The following THSD7B variants were observed in gnomAD, a reference collection of about 807,000 sequenced individuals.
The protein encoded by THSD7B is thrombospondin type-1 domain-containing protein 7B.
In THSD7B, 138 loss-of-function variants were observed where a neutral mutation model predicts 213.6. The observed-to-expected ratio is 0.65, with a 90% CI of 0.56 to 0.74. THSD7B has a LOEUF of 0.74. Ranked by LOEUF, THSD7B falls within the 30% of genes least tolerant of loss-of-function variation. THSD7B has a pLI of 0.00. For missense variants in THSD7B, 1,931 were observed against 1,991.5 expected (o/e 0.97, Z 0.58); for synonymous variants, 742 against 687.0 (o/e 1.08, Z -1.25).
chr2:136,779,198 A>ATATGTGTGTG (rs1491418061), intron 1 of THSD7B, among the ~76,000 whole-genome samples: 3 of 55,088 alleles, frequency 5.4e-5, no homozygotes, highest in Non-Finnish European at 1.2e-4. Context: ...ATATATATAT[A>ATATGTGTGTG]TGTGTGTGTG....
chr2:137,255,757 G>T (rs1278024528), intron 10 of THSD7B, among the ~76,000 whole-genome samples: 1 of 152,080 alleles, frequency 6.6e-6, no homozygotes, highest in Non-Finnish European at 1.5e-5. Flanking sequence ...GTCACCTGAT[G>T]GGGTGCAATG....
chr2:137,461,506 C>G (rs1384570159), intron 15 of THSD7B, among the ~76,000 whole-genome samples: 1 of 152,062 alleles, frequency 6.6e-6, no homozygotes, highest in Non-Finnish European at 1.5e-5. Context: ...TACACGAGCA[C>G]TACCTTCCCA....
At chr2:137,388,241 C>T (rs1685939795) in intron 12 of THSD7B, among the ~76,000 whole-genome samples, 1 of 151,888 alleles carries the variant, frequency 6.6e-6, no homozygotes, top group South Asian at 2.1e-4. Context: ...TTGTGCAAAG[C>T]AATTTATCTG....
intron 17 of THSD7B, among the ~76,000 whole-genome samples, chr2:137,608,404 C>T (rs993950712): frequency 2.6e-5 from 4 of 151,846 alleles, no homozygotes; most frequent in African/African-American, 9.7e-5. Context: ...TCAACATACT[C>T]CACAAGCACC....
At chr2:137,532,617 T>A (rs951444884) in intron 15 of THSD7B, among the ~76,000 whole-genome samples, 4 of 151,820 alleles carry the variant, frequency 2.6e-5, no homozygotes, top group African/African-American at 9.7e-5. Context: ...GGAATAGAGA[T>A]AAAACATGTT....
intron 12 of THSD7B, among the ~76,000 whole-genome samples, chr2:137,335,190 A>G (rs1377661791): frequency 6.6e-6 from 1 of 152,220 alleles, no homozygotes; most frequent in Non-Finnish European, 1.5e-5. Context: ...CAAGTTAATG[A>G]TTGCATATGA....
intron 2 of THSD7B, among the ~76,000 whole-genome samples, chr2:137,016,253 C>T (rs1389086408): frequency 6.6e-6 from 1 of 152,122 alleles, no homozygotes; most frequent in African/African-American, 2.4e-5. Context: ...TCTGCAATCT[C>T]ACCTCCTTTG....
intron 2 of THSD7B, among the ~76,000 whole-genome samples, chr2:137,031,043 C>G (rs1231267293): frequency 6.6e-6 from 1 of 152,094 alleles, no homozygotes; most frequent in Admixed American, 6.6e-5. Context: ...ACATGAAAAA[C>G]TAGAGTGCAA....
intron 7 of THSD7B, among the ~76,000 whole-genome samples, chr2:137,204,228 G>A (rs892883): frequency 0.6 from 90,378 of 151,872 alleles, 27,273 homozygotes; most frequent in South Asian, 0.71. Context: ...AGGAAAATAA[G>A]GATTGCTTTA....
At chr2:137,165,700 G>A (rs1221594493) in intron 6 of THSD7B, among the ~76,000 whole-genome samples, 1 of 151,994 alleles carries the variant, frequency 6.6e-6, no homozygotes, top group East Asian at 1.9e-4. Flanking sequence ...AAAATGCAGT[G>A]ATTCCACTAG....
At position 137,101,572 on chromosome 2, in the gene THSD7B, C is replaced by T. The variant is rs190866310; in HGVS notation, c.1199+6451C>T. On this transcript the variant is annotated intron_variant, in intron 4 of 27. Coordinates refer to ENST00000409968, the MANE Select transcript of THSD7B (RefSeq NM_001316349.2). ...ACTCTCCTGGAAAGGGGGCTGAAGG[C>T]GGGGAGCCAAGTGGTCTAGCTCAGC... 2.0e-4 allele frequency among the ~76,000 whole-genome samples: 31 copies of T among 152,250 alleles called. 1 individual carries two copies. In the East Asian group the frequency reaches 5.0e-3, roughly 25 times the overall value.
chr2:137,475,285 G>A (rs914927462), intron 15 of THSD7B, among the ~76,000 whole-genome samples: 1 of 152,146 alleles, frequency 6.6e-6, no homozygotes. Flanking sequence ...AATCAAGGCG[G>A]TATTTAGGGT....
chr2:137,605,508 G>A (rs1682155949), intron 17 of THSD7B, among the ~76,000 whole-genome samples: 1 of 151,968 alleles, frequency 6.6e-6, no homozygotes, highest in Non-Finnish European at 1.5e-5. Flanking sequence ...GACATCAGTG[G>A]TATGATGAAG....
At chr2:137,273,057 C>T (rs1394251256) in intron 11 of THSD7B, among the ~76,000 whole-genome samples, 3 of 151,312 alleles carry the variant, frequency 2.0e-5, no homozygotes, top group Non-Finnish European at 4.4e-5. Flanking sequence ...CACACACACA[C>T]ACACACACAC....
rs114236252 is a variant in THSD7B, at chr2:137,674,651, T to C, written c.4740-1873T>C. 1.9e-3 allele frequency among the ~76,000 whole-genome samples: 290 copies of C among 152,228 alleles called. 1 individual carries two copies. The highest frequency in any genetic ancestry group is 6.8e-3 in the African/African-American group (281 of 41,530). Reference sequence around the variant, plus strand: ...TAATTAAGCAATACCCTTTTGAAAATTGGAGAGGACCTGGAAAGCAGGAAA... The same window carrying C: ...TAATTAAGCAATACCCTTTTGAAAACTGGAGAGGACCTGGAAAGCAGGAAA... On this transcript the variant is annotated intron_variant, in intron 27 of 27. Coordinates refer to ENST00000409968, the MANE Select transcript of THSD7B (RefSeq NM_001316349.2).
At chr2:137,668,432 C>A (rs574057965) in intron 27 of THSD7B, among the ~76,000 whole-genome samples, 1 of 143,716 alleles carries the variant, frequency 7.0e-6, no homozygotes, top group Admixed American at 7.1e-5. Context: ...CAAAATTTAA[C>A]TGATGGTCAT....
chr2:137,440,462 C>CT (rs10635670), intron 14 of THSD7B, among the ~76,000 whole-genome samples: 79 of 144,592 alleles, frequency 5.5e-4, no homozygotes, highest in Middle Eastern at 3.6e-3. Context: ...CTCACCTTAC[C>CT]TTTTTTTTTT....
chr2:136,918,489 C>T (rs916841247), intron 2 of THSD7B, among the ~76,000 whole-genome samples: 18 of 152,180 alleles, frequency 1.2e-4, no homozygotes, highest in African/African-American at 4.3e-4. Context: ...GCTCCCTGAG[C>T]CTGTCCTTCT....
At chr2:137,161,923 G>T (rs774493540) in intron 6 of THSD7B, among the ~76,000 whole-genome samples, 1 of 152,172 alleles carries the variant, frequency 6.6e-6, no homozygotes, top group African/African-American at 2.4e-5. Flanking sequence ...ATCATGTGAG[G>T]TTGGACCAAG....
Sources: gnomAD v4.1 joint callset for allele counts (sites outside exome capture counted in the v4.1 genomes callset) on GRCh38, gnomAD v4.1.1 for gene constraint, MANE v1.5 for transcripts, NCBI Gene and HGNC (gene_info 2026-07-23, HGNC 2026-07-21) for gene names.